NOL9: variants seen among roughly 807,000 people sequenced by gnomAD.
NOL9 encodes the protein nucleolar protein 9, also known as polynucleotide 5'-hydroxyl-kinase NOL9.
A neutral mutation model predicts 67.9 loss-of-function variants in NOL9; 28 were observed. The ratio of observed to expected loss-of-function variants is 0.41; its 90% confidence interval spans 0.31 to 0.57. NOL9 has a LOEUF of 0.57. Among genes scored for constraint, NOL9 ranks in the 20% least tolerant of loss-of-function variants. NOL9 has a pLI of 0.25. For missense variants in NOL9, 777 were observed against 897.0 expected (o/e 0.87, Z 1.71); for synonymous variants, 356 against 352.2 (o/e 1.01, Z -0.12).
intron 5 of NOL9, among the ~76,000 whole-genome samples, chr1:6,544,501 C>G (rs906122417): frequency 6.6e-6 from 1 of 151,388 alleles, no homozygotes; most frequent in African/African-American, 2.4e-5. Flanking sequence ...CTGAGGGAAA[C>G]CCTGTCTGAA....
chr1:6,545,233 A>G, intron 3 of NOL9, 53 bp from the exon 4 acceptor site: 1 of 1,540,102 alleles, frequency 6.5e-7, no homozygotes, highest in South Asian at 1.2e-5. Flanking sequence ...TTTTTTCTTC[A>G]GTACTAAATT....
intron 10 of NOL9, among the ~76,000 whole-genome samples, chr1:6,528,359 G>C (rs1470000588): frequency 6.6e-6 from 1 of 152,230 alleles, no homozygotes; most frequent in Non-Finnish European, 1.5e-5. Context: ...AAACTTTTCA[G>C]TAGATGCCGG....
intron 5 of NOL9, among the ~76,000 whole-genome samples, chr1:6,544,318 T>C (rs1174419405): frequency 6.6e-6 from 1 of 151,420 alleles, no homozygotes; most frequent in Non-Finnish European, 1.5e-5. Context: ...TCCCAGGAGT[T>C]TGAGACCAGA....
chr1:6,534,755 CG>C (rs771392434), intron 6 of NOL9, among the ~76,000 whole-genome samples: 1 of 152,192 alleles, frequency 6.6e-6, no homozygotes, highest in South Asian at 2.1e-4. Context: ...AAGCCAGAAT[CG>C]GATGAGTCGG....
Position 6,532,164 on chromosome 1 carries a change from TCA to T in NOL9, c.1536-87_1536-86del, listed in dbSNP as rs1388878976. 46 of 1,069,482 alleles carry T rather than the reference TCA, an allele frequency of 4.3e-5. 1 individual carries two copies. The Admixed American group carries it at 5.2e-4, about 12-fold the overall frequency. 66.2% of individuals were successfully genotyped at this position (1,069,482 alleles called of 1,614,324 possible). A position where few individuals can be genotyped will look rare whatever the true frequency, so the allele number is the denominator to read the frequency against. On this transcript the variant is annotated intron_variant, in intron 8 of 11. Transcript: ENST00000377705. ...ACCTGTCATCACAGAGGTCACATTT[TCA>T]CAGAGTACTGGGCTTTCCAACACTG...
intron 3 of NOL9, among the ~76,000 whole-genome samples, chr1:6,545,562 C>G (rs1469588482): frequency 2.6e-5 from 4 of 152,130 alleles, no homozygotes; most frequent in Non-Finnish European, 5.9e-5. Flanking sequence ...AGAACATATG[C>G]AAACAGAGTT....
chr1:6,530,416 TG>T (rs1256156861), intron 9 of NOL9, among the ~76,000 whole-genome samples: 5 of 152,236 alleles, frequency 3.3e-5, no homozygotes, highest in African/African-American at 4.8e-5. Context: ...CACGTGGCAT[TG>T]CACTCTGGCA....
chr1:6,532,562 T>A lies in NOL9; in HGVS notation c.1436A>T (p.Glu479Val), dbSNP rs1033260054. Residue 479 changes from glutamate (E) to valine (V), a missense_variant, in exon 8 of 12, where the codon GAA becomes GTA. By Grantham distance (121) the Glu-to-Val change is moderately radical (BLOSUM62 -2). Transcript: ENST00000377705. ...FRLAAFADAL[E>V]FADEEKESPV... ...ACTCTCTTTTTCTTCATCAGCAAAT[T>A]CCAAAGCATCTGCAAATGCTGCGAG... 4.3e-6 allele frequency: 7 copies of A among 1,614,216 alleles called. No individual in the cohort carries two copies. Among genetic ancestry groups the A allele is most frequent in the Non-Finnish European group, 5.9e-6 (7 of 1,180,046 alleles).
chr1:6,525,181 T>C lies in NOL9; in HGVS notation c.*673A>G, dbSNP rs1438689864. On this transcript the variant is annotated 3_prime_UTR_variant, in exon 12 of 12. Coordinates refer to ENST00000377705, the MANE Select transcript of NOL9 (RefSeq NM_024654.5). Reference sequence around the variant, plus strand: ...TTTTTTAAAAGATAAGGTCTTACTCTGTCGCTCAGGCTGGAGTAGTTGGTG... The same window carrying C: ...TTTTTTAAAAGATAAGGTCTTACTCCGTCGCTCAGGCTGGAGTAGTTGGTG... The C allele has an allele frequency of 6.6e-6, 1 of 152,186 alleles. No homozygotes were observed. The highest frequency in any genetic ancestry group is 2.4e-5 in the African/African-American group (1 of 41,434). 9.4% of individuals were successfully genotyped at this position (152,186 alleles called of 1,614,324 possible).
intron 3 of NOL9, 48 bp from the exon 4 acceptor site, chr1:6,545,228 T>TC (rs1639393787): frequency 6.4e-7 from 1 of 1,554,284 alleles, no homozygotes; most frequent in African/African-American, 1.4e-5. Context: ...CATATTTTTT[T>TC]CTTCAGTACT....
chr1:6,551,496 A>G (rs1223398348), intron 1 of NOL9, among the ~76,000 whole-genome samples: 1 of 151,604 alleles, frequency 6.6e-6, no homozygotes, highest in South Asian at 2.1e-4. Context: ...GCTACTCCAG[A>G]GGCTGAGGCA....
intron 6 of NOL9, among the ~76,000 whole-genome samples, chr1:6,533,905 T>TA (rs779834783): frequency 4.0e-5 from 6 of 151,708 alleles, no homozygotes; most frequent in Non-Finnish European, 8.8e-5. Context: ...TTTTTTTTTT[T>TA]AGACAGAGTT....
chr1:6,541,130 C>T (rs1271628370), intron 6 of NOL9, among the ~76,000 whole-genome samples: 1 of 151,496 alleles, frequency 6.6e-6, no homozygotes, highest in African/African-American at 2.4e-5. Flanking sequence ...ATTCTCCTGC[C>T]TCGGCGTCCC....
At chr1:6,531,101 C>T (rs1267686386) in intron 9 of NOL9, among the ~76,000 whole-genome samples, 1 of 152,170 alleles carries the variant, frequency 6.6e-6, no homozygotes, top group Non-Finnish European at 1.5e-5. Context: ...TTCATCATCC[C>T]GAATCCTAAC....
At position 6,523,714 on chromosome 1, in the gene NOL9, G is replaced by A. The variant is rs1313713729; in HGVS notation, c.*2140C>T. Reference sequence around the variant, plus strand: ...GACCTGACAGAGGCCTTGGCTCCCTGTCTCCGAACCTCCTTCCCTAAACCC... The same window carrying A: ...GACCTGACAGAGGCCTTGGCTCCCTATCTCCGAACCTCCTTCCCTAAACCC... On this transcript the variant is annotated 3_prime_UTR_variant, in exon 12 of 12. Transcript: ENST00000377705. The A allele has an allele frequency of 6.6e-6, 1 of 151,910 alleles. No individual in the cohort carries two copies. Among genetic ancestry groups the A allele is most frequent in the Non-Finnish European group, 1.5e-5 (1 of 68,122 alleles). The allele number at this position is 151,910 out of a possible 1,614,324, so 9.4% of individuals were successfully genotyped here. A position where few individuals can be genotyped will look rare whatever the true frequency, so the allele number is the denominator to read the frequency against.
At chr1:6,533,175 A>G (rs1639072724) in intron 7 of NOL9, 105 bp downstream of exon 7, 1 of 1,221,362 alleles carries the variant, frequency 8.2e-7, no homozygotes, top group Non-Finnish European at 1.1e-6. Flanking sequence ...ACCCTGCCTC[A>G]ATTAAAAACA....
intron 6 of NOL9, 41 bp from the exon 7 acceptor site, chr1:6,533,482 T>C: frequency 6.8e-7 from 1 of 1,464,152 alleles, no homozygotes; most frequent in East Asian, 2.4e-5. Context: ...GTAAGGTGAG[T>C]GATCAATCCT....
intron 6 of NOL9, among the ~76,000 whole-genome samples, chr1:6,533,826 T>C (rs1246806909): frequency 6.6e-6 from 1 of 151,988 alleles, no homozygotes; most frequent in Non-Finnish European, 1.5e-5. Flanking sequence ...CATGTGTGTC[T>C]TATAGCAATA....
Position 6,524,168 on chromosome 1 carries a change from CTTATT to C in NOL9, c.*1681_*1685del, listed in dbSNP as rs1439654525. The C allele has an allele frequency of 1.3e-5, 2 of 152,180 alleles. No homozygotes were observed. The highest frequency in any genetic ancestry group is 2.4e-5 in the African/African-American group (1 of 41,454). The allele number at this position is 152,180 out of a possible 1,614,324, so 9.4% of individuals were successfully genotyped here. On this transcript the variant is annotated 3_prime_UTR_variant, in exon 12 of 12. Transcript: ENST00000377705. ...AATCACCATAGCAAGGTTTCCTGTG[CTTATT>C]TTAAGTCCTTTGCTGTTGGGTCTAA...
Sources: allele counts gnomAD v4.1 joint callset (sites outside exome capture counted in the v4.1 genomes callset), GRCh38; gene constraint gnomAD v4.1.1; transcripts MANE v1.5; gene names NCBI Gene and HGNC (gene_info 2026-07-23, HGNC 2026-07-21).